The following ADGRL2 variants were observed in gnomAD, a reference collection of about 807,000 sequenced individuals.
The protein encoded by ADGRL2 is calcium-independent alpha-latrotoxin receptor 2.
In ADGRL2, 44 loss-of-function variants were observed where a neutral mutation model predicts 157.4. The ratio of observed to expected loss-of-function variants is 0.28; its 90% confidence interval spans 0.22 to 0.36. The LOEUF (loss-of-function observed/expected upper bound fraction) is 0.36. Among genes scored for constraint, ADGRL2 ranks in the 10% least tolerant of loss-of-function variants. The pLI, the probability that ADGRL2 is intolerant of heterozygous loss-of-function variation, is 1.00. For missense variants in ADGRL2, 1,510 were observed against 1,768.9 expected, an observed-to-expected ratio of 0.85 and a Z score of 2.63; for synonymous variants, 585 against 624.7, an observed-to-expected ratio of 0.94 and a Z score of 0.95.
intron 1 of ADGRL2, chr1:81,721,946 T>C (rs1014349980): frequency 3.1e-6 from 2 of 645,606 alleles, no homozygotes. Context: ...AAGTTGATAA[T>C]GAATGGGTGA....
intron 4 of ADGRL2, among the ~76,000 whole-genome samples, chr1:81,937,941 A>G (rs2095334003): frequency 6.6e-6 from 1 of 151,778 alleles, no homozygotes; most frequent in African/African-American, 2.4e-5. Context: ...ACATGCTGTG[A>G]AGGCACTCTC....
At chr1:81,789,245 A>T (rs937604281) in intron 2 of ADGRL2, among the ~76,000 whole-genome samples, 5 of 152,178 alleles carry the variant, frequency 3.3e-5, no homozygotes, top group Admixed American at 3.3e-4. Flanking sequence ...TTACAGTCAC[A>T]TGGGGAAGAG....
intron 1 of ADGRL2, among the ~76,000 whole-genome samples, chr1:81,358,719 T>A (rs918599715): frequency 1.3e-5 from 2 of 152,150 alleles, no homozygotes; most frequent in African/African-American, 4.8e-5. Flanking sequence ...AAATATGTGA[T>A]TTATGTTAAG....
intron 1 of ADGRL2, among the ~76,000 whole-genome samples, chr1:81,376,826 G>A (rs2101022956): frequency 6.6e-6 from 1 of 152,226 alleles, no homozygotes; most frequent in African/African-American, 2.4e-5. Context: ...TGTTCAGGCA[G>A]GGTTTGCCAA....
At chr1:81,345,034 T>C (rs568438900) in intron 1 of ADGRL2, among the ~76,000 whole-genome samples, 31 of 152,300 alleles carry the variant, frequency 2.0e-4, no homozygotes, top group Non-Finnish European at 4.0e-4. Flanking sequence ...ATAGTTACAT[T>C]GAAGTATAGG....
chr1:81,461,941 G>T (rs919844780), intron 2 of ADGRL2, among the ~76,000 whole-genome samples: 2 of 140,392 alleles, frequency 1.4e-5, no homozygotes, highest in Admixed American at 7.1e-5. Flanking sequence ...GGGGGGGGGG[G>T]GTGGTGGAGA....
At position 81,357,168 on chromosome 1, in the gene ADGRL2, A is replaced by T. The variant is rs149256565; in HGVS notation, c.-302+50659A>T. Among the ~76,000 whole-genome samples, 837 of 152,182 alleles carry T rather than the reference A, an allele frequency of 5.5e-3. 5 individuals are homozygous for T. Among genetic ancestry groups the T allele is most frequent in the African/African-American group, 0.019 (772 of 41,520 alleles). On this transcript the variant is annotated intron_variant, in intron 1 of 24. Transcript: ENST00000370721. The stretch of plus-strand genomic sequence containing the variant: ...CCTCCTCTTCCTCCTGCTTCTTTGA[A>T]GGAGCAAACACTGAAGGAAGAACAC...
In ADGRL2 at chr1:81,472,334, C is replaced by G. The variant is rs1021269446; in HGVS notation, c.-248+27245C>G. ...GAAAATCCACTAGCCTAAAAGAAAT[C>G]TTGCATTTAGGCCGTGCACCATGGC... On this transcript the variant is annotated intron_variant, in intron 2 of 24. Transcript: ENST00000370721. Among the ~76,000 whole-genome samples, 3 of 152,146 alleles carry G rather than the reference C, an allele frequency of 2.0e-5. No homozygotes were observed. The South Asian group carries it at 6.2e-4, about 31-fold the overall frequency.
At chr1:81,863,045 A>C (rs559019291) in intron 2 of ADGRL2, among the ~76,000 whole-genome samples, 372 of 152,282 alleles carry the variant, frequency 2.4e-3, no homozygotes, top group Non-Finnish European at 4.4e-3. Context: ...TTCTGTATAG[A>C]CTTTTTAAAG....
chr1:81,534,171 T>C lies in ADGRL2; in HGVS notation c.-247-46705T>C, dbSNP rs974667071. On this transcript the variant is annotated intron_variant, in intron 2 of 24. Coordinates refer to the ADGRL2 transcript ENST00000370721. ...TTTATTTTATTTACTATTTATTTTTTATTTTTTTGAAACCGAGTCTTGCTC... is the reference window on the plus strand; with the variant it reads ...TTTATTTTATTTACTATTTATTTTTCATTTTTTTGAAACCGAGTCTTGCTC... Among the ~76,000 whole-genome samples, 5 of 152,194 alleles carry C rather than the reference T, an allele frequency of 3.3e-5. No homozygotes were observed. In the South Asian group the frequency reaches 6.2e-4, roughly 19 times the overall value.
chr1:81,432,476 T>C (rs1350254027), intron 1 of ADGRL2, among the ~76,000 whole-genome samples: 2 of 152,246 alleles, frequency 1.3e-5, no homozygotes, highest in African/African-American at 4.8e-5. Context: ...ATGTTGATTT[T>C]TTTATGCAAC....
At chr1:81,979,414 A>G (rs1399530333) in intron 17 of ADGRL2, among the ~76,000 whole-genome samples, 1 of 151,766 alleles carries the variant, frequency 6.6e-6, no homozygotes, top group Non-Finnish European at 1.5e-5. Context: ...TTATGAATAG[A>G]TTGGACAGAT....
chr1:81,884,833 A>G (rs1406710796), intron 2 of ADGRL2, among the ~76,000 whole-genome samples: 1 of 152,204 alleles, frequency 6.6e-6, no homozygotes, highest in Admixed American at 6.5e-5. Context: ...AATGAAAACT[A>G]TATTGGTAAT....
At chr1:81,787,007 T>G (rs1023137118) in intron 2 of ADGRL2, among the ~76,000 whole-genome samples, 3 of 152,166 alleles carry the variant, frequency 2.0e-5, no homozygotes, top group Non-Finnish European at 4.4e-5. Context: ...TCCCCTATAC[T>G]GTTCTCGTGG....
intron 3 of ADGRL2, among the ~76,000 whole-genome samples, chr1:81,659,254 G>T (rs989211178): frequency 1.3e-5 from 2 of 151,774 alleles, no homozygotes; most frequent in African/African-American, 2.4e-5. Flanking sequence ...GTAGAGACAG[G>T]TTTCACTATG....
intron 2 of ADGRL2, among the ~76,000 whole-genome samples, chr1:81,791,523 G>A (rs545894732): frequency 6.6e-6 from 1 of 152,032 alleles, no homozygotes; most frequent in South Asian, 2.1e-4. Flanking sequence ...TTGATAGGAG[G>A]GGTAACAAAA....
At chr1:81,768,044 A>T (rs2086204736) in intron 2 of ADGRL2, among the ~76,000 whole-genome samples, 1 of 151,972 alleles carries the variant, frequency 6.6e-6, no homozygotes, top group Non-Finnish European at 1.5e-5. Context: ...ACTTAAATGT[A>T]TTTATTTTTA....
chr1:81,618,400 A>C (rs1249692001), intron 3 of ADGRL2, among the ~76,000 whole-genome samples: 1 of 152,210 alleles, frequency 6.6e-6, no homozygotes, highest in Non-Finnish European at 1.5e-5. Flanking sequence ...CAGGGAAAGA[A>C]CAGAAAGTTT....
intron 1 of ADGRL2, among the ~76,000 whole-genome samples, chr1:81,366,050 C>G (rs1167810597): frequency 6.6e-6 from 1 of 152,052 alleles, no homozygotes; most frequent in Non-Finnish European, 1.5e-5. Flanking sequence ...ATAAGGGAGA[C>G]AACATTAGGG....
Sources: allele counts gnomAD v4.1 joint callset (sites outside exome capture counted in the v4.1 genomes callset), GRCh38; gene constraint gnomAD v4.1.1; transcripts MANE v1.5; gene names NCBI Gene and HGNC (gene_info 2026-07-23, HGNC 2026-07-21).